The following FBLN2 variants were observed in gnomAD, a reference collection of about 807,000 sequenced individuals.
FBLN2 encodes fibulin-2.
Under a neutral mutation model 123.7 loss-of-function variants are expected in FBLN2, and 81 were observed. That is an observed-to-expected ratio of 0.65 (90% CI 0.55 to 0.79). The LOEUF (loss-of-function observed/expected upper bound fraction) is 0.79. Ranked by LOEUF, FBLN2 falls within the 30% of genes least tolerant of loss-of-function variation. The pLI, the probability that FBLN2 is intolerant of heterozygous loss-of-function variation, is 0.00. For missense variants in FBLN2, 1,603 were observed against 1,681.3 expected (o/e 0.95, Z 0.81); for synonymous variants, 699 against 701.4 (o/e 1.00, Z 0.05).
At position 13,571,327 on chromosome 3, in the gene FBLN2, A is replaced by G. The variant is rs1703943560; in HGVS notation, c.972A>G (p.Ala324=). 6.2e-7 allele frequency: 1 copy of G among 1,605,836 alleles called. No homozygotes were observed. Residue 324 remains alanine (A), a synonymous_variant, in exon 2 of 18, where the codon GCA becomes GCG. Transcript: ENST00000404922. ...GTCTTCCTATCCAGGAGGAGAGGGC[A>G]GAAGCTGGGGCAAGGGCAGAAGCTG... ...GPSLPIQEER[A]EAGARAEAGA... is the part of the protein sequence containing the mutation.
chr3:13,579,242 G>A (rs1000288853), intron 2 of FBLN2, among the ~76,000 whole-genome samples: 3 of 152,224 alleles, frequency 2.0e-5, no homozygotes, highest in Admixed American at 1.3e-4. Flanking sequence ...TGCTGAGCAT[G>A]TGTTCATGAG....
chr3:13,630,737 T>C lies in FBLN2; in HGVS notation c.3007T>C (p.Cys1003Arg). 6.2e-7 allele frequency: 1 copy of C among 1,609,632 alleles called. No individual in the cohort carries two copies. The highest frequency in any genetic ancestry group is 8.5e-7 in the Non-Finnish European group (1 of 1,178,352). The change falls in exon 15 of 18, where the codon TGT becomes CGT. Residue 1003 changes from cysteine to arginine, a missense_variant. Cys to Arg is a radical substitution (Grantham distance 180, BLOSUM62 -3). Coordinates refer to ENST00000404922, the MANE Select transcript of FBLN2 (RefSeq NM_001004019.2). The stretch of plus-strand genomic sequence containing the variant: ...TGAGGCCCAGCGCTGCAGCCAGGAG[T>C]GTGCCAACATCTATGGCTCCTACCA... ...ECEAQRCSQE[C>R]ANIYGSYQCY...
chr3:13,624,927 TTGG>T (rs1705979926), intron 9 of FBLN2, among the ~76,000 whole-genome samples: 1 of 152,374 alleles, frequency 6.6e-6, no homozygotes, highest in Non-Finnish European at 1.5e-5. Flanking sequence ...GGTTTCTGAG[TTGG>T]TGGCCTCTGT....
At chr3:13,609,687 G>GGGGGGGGGGC in intron 4 of FBLN2, 45 bp downstream of exon 4, 2 of 463,674 alleles carry the variant, frequency 4.3e-6, no homozygotes, top group Non-Finnish European at 8.6e-6. Flanking sequence ...GGTGGGGCGG[G>GGGGGGGGGGC]GCGGGAGGCT....
chr3:13,637,519 G>A (rs1421917991), intron 17 of FBLN2, 43 bp from the exon 18 acceptor site: 2 of 1,520,928 alleles, frequency 1.3e-6, no homozygotes, highest in Middle Eastern at 1.8e-4. Flanking sequence ...GGGGATGAGG[G>A]GGGTGGGCGA....
At chr3:13,588,609 A>G (rs930988626) in intron 2 of FBLN2, among the ~76,000 whole-genome samples, 1 of 152,164 alleles carries the variant, frequency 6.6e-6, no homozygotes, top group Non-Finnish European at 1.5e-5. Flanking sequence ...TTCTGAGTCA[A>G]CGCCTCCCCG....
At chr3:13,568,563 T>C (rs557007910) in intron 1 of FBLN2, among the ~76,000 whole-genome samples, 1 of 152,352 alleles carries the variant, frequency 6.6e-6, no homozygotes, top group East Asian at 1.9e-4. Context: ...ACCACCCGTG[T>C]GCTGATGTGG....
intron 16 of FBLN2, among the ~76,000 whole-genome samples, chr3:13,632,304 T>A (rs940965599): frequency 2.0e-5 from 3 of 152,160 alleles, no homozygotes; most frequent in Non-Finnish European, 2.9e-5. Context: ...AGCTCAGACC[T>A]CCTCCTGACT....
rs1370552809 is a variant in FBLN2, at chr3:13,633,657, T to TG, written c.3214+2205dup. Among the ~76,000 whole-genome samples the TG allele has an allele frequency of 6.6e-5, 10 of 152,278 alleles. No individual in the cohort carries two copies. In the East Asian group the frequency reaches 1.9e-3, roughly 29 times the overall value. ...CAAACAGGGTGGGGGGAGGCTGGCT[T>TG]GGGGGAAAGAATGTGTTGGATAATG... On this transcript the variant is annotated intron_variant, in intron 16 of 17. Transcript: ENST00000404922.
At chr3:13,609,688 GC>G (rs2124880955) in intron 4 of FBLN2, 46 bp downstream of exon 4, 11 of 512,596 alleles carry the variant, frequency 2.1e-5, no homozygotes, top group East Asian at 6.7e-5. Context: ...GTGGGGCGGG[GC>G]GGGAGGCTGG....
chr3:13,609,860 C>T (rs1705332805), intron 4 of FBLN2, among the ~76,000 whole-genome samples: 1 of 152,220 alleles, frequency 6.6e-6, no homozygotes, highest in South Asian at 2.1e-4. Context: ...TGTAGAGCAC[C>T]ACTGTGTGCC....
At chr3:13,575,466 G>A (rs1435103215) in intron 2 of FBLN2, among the ~76,000 whole-genome samples, 1 of 152,094 alleles carries the variant, frequency 6.6e-6, no homozygotes, top group Admixed American at 6.5e-5. Flanking sequence ...TGGTCTCTGG[G>A]CCTTTGCGTT....
chr3:13,579,622 G>C (rs1473532211), intron 2 of FBLN2, among the ~76,000 whole-genome samples: 1 of 152,214 alleles, frequency 6.6e-6, no homozygotes. Flanking sequence ...TGCATGGAAA[G>C]TCCCCTTTCT....
At chr3:13,609,688 G>GGGGGGGGGGGGGGGGGCC in intron 4 of FBLN2, 46 bp downstream of exon 4, 3 of 512,604 alleles carry the variant, frequency 5.9e-6, no homozygotes, top group Non-Finnish European at 7.2e-6. Flanking sequence ...GTGGGGCGGG[G>GGGGGGGGGGGGGGGGGCC]CGGGAGGCTG....
At chr3:13,556,920 G>A (rs1703478923) in intron 1 of FBLN2, among the ~76,000 whole-genome samples, 1 of 152,206 alleles carries the variant, frequency 6.6e-6, no homozygotes. Flanking sequence ...GGGTCAAGTT[G>A]CAGCCACCAG....
At chr3:13,632,302 C>T (rs932248557) in intron 16 of FBLN2, among the ~76,000 whole-genome samples, 1 of 152,204 alleles carries the variant, frequency 6.6e-6, no homozygotes, top group Non-Finnish European at 1.5e-5. Flanking sequence ...AGAGCTCAGA[C>T]CTCCTCCTGA....
Position 13,614,104 on chromosome 3 carries a change from G to T in FBLN2, c.1669G>T (p.Glu557Ter), listed in dbSNP as rs1206092792. The T allele has an allele frequency of 6.2e-7, 1 of 1,613,668 alleles. No homozygotes were observed. ...HVMLSCCEGE[E>*]PLIVPEVRRP... ...CATGCTCTCCTGCTGTGAGGGTGAA[G>T]AGCCTCTCATAGTACCTGAGGTTCG... is the stretch of plus-strand genomic sequence containing the variant. Residue 557 changes from glutamate (E) to a stop codon, truncating the protein, a stop_gained, in exon 5 of 18, where the codon GAG becomes TAG. Coordinates refer to ENST00000404922, the MANE Select transcript of FBLN2 (RefSeq NM_001004019.2). LOFTEE classifies it high-confidence loss of function.
chr3:13,600,017 C>CAGAGAGAG (rs113759892), intron 2 of FBLN2, among the ~76,000 whole-genome samples: 2 of 137,288 alleles, frequency 1.5e-5, no homozygotes, highest in Non-Finnish European at 3.1e-5. Context: ...AAAAACACGA[C>CAGAGAGAG]AGAGAGAGAG....
At chr3:13,598,702 G>A (rs1704928191) in intron 2 of FBLN2, among the ~76,000 whole-genome samples, 1 of 152,186 alleles carries the variant, frequency 6.6e-6, no homozygotes, top group African/African-American at 2.4e-5. Context: ...CAGGGACCTG[G>A]TCTGTGCTGT....
Sources: gnomAD v4.1 joint callset for allele counts (sites outside exome capture counted in the v4.1 genomes callset) on GRCh38, gnomAD v4.1.1 for gene constraint, MANE v1.5 for transcripts, NCBI Gene and HGNC (gene_info 2026-07-23, HGNC 2026-07-21) for gene names.